Variants in BNIP2 observed in about 807,000 individuals in gnomAD.
BNIP2 encodes BCL2 interacting protein 2, also known as BCL2/adenovirus E1B 19 kDa protein-interacting protein 2.
A neutral mutation model predicts 43.4 loss-of-function variants in BNIP2; 36 were observed. That is an observed-to-expected ratio of 0.83 (90% CI 0.64 to 1.10). The LOEUF is 1.10. Ranked by LOEUF, BNIP2 falls within the 50% of genes least tolerant of loss-of-function variation. BNIP2 has a pLI of 0.00. For synonymous variants in BNIP2, 146 were observed against 121.0 expected, an observed-to-expected ratio of 1.21 and a Z score of -1.35; for missense variants, 417 against 374.1, an observed-to-expected ratio of 1.11 and a Z score of -0.95.
intron 1 of BNIP2, among the ~76,000 whole-genome samples, chr15:59,683,191 A>C (rs1478336952): frequency 6.7e-6 from 1 of 148,850 alleles, no homozygotes; most frequent in Admixed American, 6.8e-5. Flanking sequence ...TATGCCATGA[A>C]CTTTAGTTTT....
At chr15:59,677,390 T>C in intron 5 of BNIP2, 2 of 1,522,428 alleles carry the variant, frequency 1.3e-6, no homozygotes, top group South Asian at 2.5e-5. Context: ...GGGTTGGTTT[T>C]CCGTACTCCA....
intron 5 of BNIP2, among the ~76,000 whole-genome samples, chr15:59,676,389 A>G (rs1223510205): frequency 6.6e-6 from 1 of 151,736 alleles, no homozygotes; most frequent in South Asian, 2.1e-4. Flanking sequence ...GACGAGGTCT[A>G]TGTTGCCCAA....
rs1892142487 is a variant in BNIP2, at chr15:59,659,558, G to C, written c.*4511C>G. ...CCCTGAACATCATCAATATTTACTAGCTAGGTTTACACAAATAAACAAGCA... is the reference window on the plus strand; with the variant it reads ...CCCTGAACATCATCAATATTTACTACCTAGGTTTACACAAATAAACAAGCA... On this transcript the variant is annotated 3_prime_UTR_variant, in exon 10 of 10. Transcript: ENST00000607373. 1 of 152,146 alleles carries C rather than the reference G, an allele frequency of 6.6e-6. No homozygotes were observed. The highest frequency in any genetic ancestry group is 2.4e-5 in the African/African-American group (1 of 41,424). The allele number at this position is 152,146 out of a possible 1,614,324, so 9.4% of individuals were successfully genotyped here.
intron 1 of BNIP2, chr15:59,688,679 C>T: frequency 1.3e-6 from 2 of 1,528,610 alleles, no homozygotes; most frequent in Non-Finnish European, 1.8e-6. Flanking sequence ...TCTATTAAAG[C>T]CCTGATTACT....
chr15:59,681,605 C>G (rs775802048), intron 2 of BNIP2, among the ~76,000 whole-genome samples: 5 of 152,102 alleles, frequency 3.3e-5, no homozygotes, highest in Non-Finnish European at 4.4e-5. Context: ...AGCGCCAAGC[C>G]TGGCTAATTT....
At position 59,663,819 on chromosome 15, in the gene BNIP2, C is replaced by T; in HGVS notation, c.*250G>A. 1 of 318,194 alleles carries T rather than the reference C, an allele frequency of 3.1e-6. No individual in the cohort carries two copies. The highest frequency in any genetic ancestry group is 5.7e-6 in the Non-Finnish European group (1 of 176,618). 19.7% of individuals were successfully genotyped at this position (318,194 alleles called of 1,614,324 possible). A position where few individuals can be genotyped will look rare whatever the true frequency, so the allele number is the denominator to read the frequency against. ...AAACTACTTTATATAAAGTGTGGTT[C>T]TCTATTTAGCAATATAAAATATAAA... On this transcript the variant is annotated 3_prime_UTR_variant, in exon 10 of 10. Coordinates refer to ENST00000607373, the MANE Select transcript of BNIP2 (RefSeq NM_004330.4).
At chr15:59,676,663 G>A in intron 5 of BNIP2, 6 of 598,032 alleles carry the variant, frequency 1.0e-5, no homozygotes, top group Admixed American at 9.1e-5. Flanking sequence ...GTTTCTAAAA[G>A]TATTTAGAAT....
In BNIP2 at chr15:59,679,690, T is replaced by A. The variant is rs753121492; in HGVS notation, c.197A>T (p.Asp66Val). The change falls in exon 4 of 10, where the codon GAT becomes GTT. Residue 66 changes from aspartate (D) to valine (V), a missense_variant. Physicochemically the swap from Asp to Val is radical, Grantham distance 152 (BLOSUM62 -3). Transcript: ENST00000607373. Reference sequence around the variant, plus strand: ...CAAATCATCTGACAATACAGAGCCATCACTAGGATCCAGTGTCAGGCTAAT... The same window carrying A: ...CAAATCATCTGACAATACAGAGCCAACACTAGGATCCAGTGTCAGGCTAAT... ...PDISLTLDPS[D>V]GSVLSDDLDE... 3.7e-5 allele frequency: 59 copies of A among 1,609,744 alleles called. No individual in the cohort carries two copies. The highest frequency in any genetic ancestry group is 4.9e-5 in the Non-Finnish European group (58 of 1,178,316).
intron 7 of BNIP2, among the ~76,000 whole-genome samples, chr15:59,670,684 G>T (rs1057435154): frequency 1.3e-5 from 2 of 152,114 alleles, no homozygotes; most frequent in African/African-American, 4.8e-5. Context: ...AATCAAAATT[G>T]ATTTCCCTCA....
In BNIP2 at chr15:59,677,934, T is replaced by C. The variant is rs1306460571; in HGVS notation, c.449A>G (p.Tyr150Cys). The C allele has an allele frequency of 1.2e-6, 2 of 1,609,844 alleles. No individual in the cohort carries two copies. Among genetic ancestry groups the C allele is most frequent in the Admixed American group, 1.7e-5 (1 of 58,844 alleles). Reference sequence around the variant, plus strand: ...ACCCCCATGGCTGATAACTTTTTTATAGGGTTCAATTGCCTTCATATCAAC... The same window carrying C: ...ACCCCCATGGCTGATAACTTTTTTACAGGGTTCAATTGCCTTCATATCAAC... ...HRVDMKAIEP[Y>C]KKVISHGGYY... is the part of the protein sequence containing the mutation. Residue 150 changes from tyrosine (Y) to cysteine (C), a missense_variant, in exon 5 of 10, where the codon TAT (tyrosine) becomes TGT (cysteine). Transcript: ENST00000607373.
chr15:59,688,259 G>A (rs1894145786), intron 1 of BNIP2, among the ~76,000 whole-genome samples: 1 of 152,112 alleles, frequency 6.6e-6, no homozygotes, highest in East Asian at 1.9e-4. Context: ...GTAACTTTGA[G>A]GAAACATCCA....
rs573365360 is a variant in BNIP2, at chr15:59,684,859, T to G, written c.-57-2345A>C. 5.3e-5 allele frequency among the ~76,000 whole-genome samples: 8 copies of G among 152,322 alleles called. No homozygotes were observed. In the East Asian group the frequency reaches 1.5e-3, roughly 29 times the overall value. ...AAAAATAAAAGCAGAAACTGAAAGT[T>G]GTACCCAATATATTCCCAACACCTA... On this transcript the variant is annotated intron_variant, in intron 1 of 9. Coordinates refer to ENST00000607373, the MANE Select transcript of BNIP2 (RefSeq NM_004330.4).
intron 1 of BNIP2, among the ~76,000 whole-genome samples, chr15:59,684,957 G>C (rs897313592): frequency 1.3e-5 from 2 of 152,100 alleles, no homozygotes; most frequent in Admixed American, 1.3e-4. Flanking sequence ...ATGGACACTG[G>C]TCAGCAAACC....
intron 3 of BNIP2, among the ~76,000 whole-genome samples, chr15:59,679,996 A>G (rs1481420761): frequency 6.6e-6 from 1 of 152,168 alleles, no homozygotes; most frequent in African/African-American, 2.4e-5. Context: ...GACCTTATAG[A>G]TACCTCTTAC....
chr15:59,670,039 A>G (rs6151556), intron 7 of BNIP2, among the ~76,000 whole-genome samples: 1,803 of 152,352 alleles, frequency 0.012, 37 homozygotes, highest in African/African-American at 0.042. Flanking sequence ...CAATCGGAAG[A>G]TCACATTCCT....
chr15:59,664,826 A>G (rs1162322100), intron 9 of BNIP2, among the ~76,000 whole-genome samples: 9 of 152,250 alleles, frequency 5.9e-5, no homozygotes. Context: ...TGAAAATGCC[A>G]TGAAGGCCAC....
chr15:59,666,218 C>G (rs1450043509), intron 9 of BNIP2, among the ~76,000 whole-genome samples: 5 of 152,124 alleles, frequency 3.3e-5, no homozygotes, highest in African/African-American at 1.2e-4. Context: ...CCCTCTTCCC[C>G]ACAAGCCCCT....
Position 59,669,380 on chromosome 15 carries a change from A to AAC in BNIP2, c.708-20_708-19dup, listed in dbSNP as rs556392162. The AAC allele has an allele frequency of 2.4e-5, 34 of 1,389,200 alleles. No homozygotes were observed. Among genetic ancestry groups the AAC allele is most frequent in the East Asian group, 1.2e-4 (5 of 41,412 alleles). 86.1% of individuals were successfully genotyped at this position (1,389,200 alleles called of 1,614,324 possible). ...TCCGTAACCTGGAGTTTAAAAAAAA[A>AAC]ACACACACACACAAAGAAAATTAAA... On this transcript the variant is annotated intron_variant, in intron 7 of 9. Coordinates refer to ENST00000607373, the MANE Select transcript of BNIP2 (RefSeq NM_004330.4).
chr15:59,670,354 T>A (rs1408935503), intron 7 of BNIP2, among the ~76,000 whole-genome samples: 5 of 152,088 alleles, frequency 3.3e-5, no homozygotes, highest in African/African-American at 1.2e-4. Flanking sequence ...TAACCTGAGC[T>A]TGGGAGGTTG....
Sources: gnomAD v4.1 joint callset for allele counts (sites outside exome capture counted in the v4.1 genomes callset) on GRCh38, gnomAD v4.1.1 for gene constraint, MANE v1.5 for transcripts, NCBI Gene and HGNC (gene_info 2026-07-23, HGNC 2026-07-21) for gene names.